SGCZ: variants seen among roughly 807,000 people sequenced by gnomAD.
SGCZ encodes the protein sarcoglycan zeta.
Under a neutral mutation model 41.3 loss-of-function variants are expected in SGCZ, and 40 were observed. The ratio of observed to expected loss-of-function variants is 0.97; its 90% confidence interval spans 0.75 to 1.26. The LOEUF is 1.26. SGCZ is among the 50% of genes most tolerant of loss of function. The pLI is 0.00. For synonymous variants in SGCZ, 206 were observed against 137.5 expected (o/e 1.50, Z -3.49); for missense variants, 552 against 369.8 (o/e 1.49, Z -4.04).
chr8:14,648,039 G>C (rs1397293), intron 1 of SGCZ, among the ~76,000 whole-genome samples: 30,035 of 151,886 alleles, frequency 0.2, 3,657 homozygotes, highest in Non-Finnish European at 0.28. Context: ...CCCTGAACTT[G>C]ACTTTGAAAA....
intron 1 of SGCZ, among the ~76,000 whole-genome samples, chr8:14,885,575 C>T (rs1002592958): frequency 2.6e-5 from 4 of 151,994 alleles, no homozygotes; most frequent in African/African-American, 9.7e-5. Flanking sequence ...CATTATGATC[C>T]CTTTTCACTG....
At chr8:14,730,470 T>A (rs949472610) in intron 1 of SGCZ, among the ~76,000 whole-genome samples, 36 of 152,066 alleles carry the variant, frequency 2.4e-4, no homozygotes, top group African/African-American at 8.5e-4. Context: ...TCCTGAAGTG[T>A]GTGCTTTGAC....
rs188637916 is a variant in SGCZ at position 15,167,571 on chromosome 8, C to T, written c.39+70014G>A. On this transcript the variant is annotated intron_variant, in intron 1 of 7. Transcript: ENST00000382080. ...TTCCATCAAAGCCAAACCAAAAGGC[C>T]TCTGCAGAAATAATTATTCTTTCTG... 4.0e-3 allele frequency among the ~76,000 whole-genome samples: 612 copies of T among 152,214 alleles called. 3 individuals carry two copies. The highest frequency in any genetic ancestry group is 0.011 in the South Asian group (55 of 4,818).
chr8:14,313,924 G>C (rs1377710730), intron 3 of SGCZ, among the ~76,000 whole-genome samples: 7,917 of 136,524 alleles, frequency 0.058, 618 homozygotes, highest in African/African-American at 0.18. Flanking sequence ...GTGTGTGTGT[G>C]TGTGTGTGTG....
intron 1 of SGCZ, among the ~76,000 whole-genome samples, chr8:14,555,659 C>T (rs1804012932): frequency 6.6e-6 from 1 of 152,000 alleles, no homozygotes; most frequent in South Asian, 2.1e-4. Flanking sequence ...CCAAGCTACA[C>T]TTAGACTATG....
At chr8:14,757,039 C>A (rs1451086217) in intron 1 of SGCZ, among the ~76,000 whole-genome samples, 1 of 152,132 alleles carries the variant, frequency 6.6e-6, no homozygotes, top group African/African-American at 2.4e-5. Context: ...ACCTTCCCCA[C>A]CAATATGTCA....
intron 1 of SGCZ, among the ~76,000 whole-genome samples, chr8:14,767,205 G>A (rs1040982441): frequency 6.6e-6 from 1 of 152,110 alleles, no homozygotes; most frequent in Non-Finnish European, 1.5e-5. Flanking sequence ...TATCTCCTAG[G>A]CCTCCAAGGC....
intron 1 of SGCZ, among the ~76,000 whole-genome samples, chr8:14,884,234 A>G (rs980520818): frequency 6.6e-6 from 1 of 152,148 alleles, no homozygotes; most frequent in Non-Finnish European, 1.5e-5. Context: ...GAGAATGTGC[A>G]ATGCATATCC....
chr8:14,217,037 C>A (rs1232433906), intron 4 of SGCZ, among the ~76,000 whole-genome samples: 1 of 152,080 alleles, frequency 6.6e-6, no homozygotes, highest in Non-Finnish European at 1.5e-5. Context: ...CCTGTAATCC[C>A]AGCACTTTGG....
At chr8:14,251,343 G>A (rs1465786154) in intron 3 of SGCZ, among the ~76,000 whole-genome samples, 2 of 152,160 alleles carry the variant, frequency 1.3e-5, no homozygotes, top group Non-Finnish European at 2.9e-5. Context: ...TTCAGAGCAG[G>A]CACCGGCCAA....
chr8:14,846,837 AG>A (rs1012827324), intron 1 of SGCZ, among the ~76,000 whole-genome samples: 4 of 151,938 alleles, frequency 2.6e-5, no homozygotes, highest in African/African-American at 9.7e-5. Flanking sequence ...TGGGAGGCCG[AG>A]TCGGGTGGAT....
intron 2 of SGCZ, among the ~76,000 whole-genome samples, chr8:14,371,353 T>A (rs148472244): frequency 6.6e-6 from 1 of 152,146 alleles, no homozygotes; most frequent in African/African-American, 2.4e-5. Flanking sequence ...TGACAACATT[T>A]TCTGGTATTA....
intron 3 of SGCZ, among the ~76,000 whole-genome samples, chr8:14,287,998 C>T (rs1585322692): frequency 6.6e-6 from 1 of 151,958 alleles, no homozygotes; most frequent in Admixed American, 6.6e-5. Context: ...TATTTTTTTA[C>T]CTACTATTTA....
chr8:14,353,533 G>C (rs145784182), intron 2 of SGCZ, among the ~76,000 whole-genome samples: 1 of 152,176 alleles, frequency 6.6e-6, no homozygotes, highest in East Asian at 1.9e-4. Context: ...AAGCCTGTGT[G>C]AATCATTCTG....
At chr8:14,383,921 A>AT (rs35960880) in intron 2 of SGCZ, among the ~76,000 whole-genome samples, 2,041 of 148,510 alleles carry the variant, frequency 0.014, 13 homozygotes, top group Non-Finnish European at 0.022. Flanking sequence ...TTGTTTTGAG[A>AT]TTTTTTTTTT....
chr8:14,663,491 T>C (rs1483496514), intron 1 of SGCZ, among the ~76,000 whole-genome samples: 1 of 152,148 alleles, frequency 6.6e-6, no homozygotes, highest in Non-Finnish European at 1.5e-5. Context: ...CTGGCTGTGA[T>C]TTTCAGGTGA....
At chr8:14,350,787 G>C (rs903998684) in intron 2 of SGCZ, among the ~76,000 whole-genome samples, 2 of 152,078 alleles carry the variant, frequency 1.3e-5, no homozygotes, top group Non-Finnish European at 2.9e-5. Flanking sequence ...CTCTCTCTCA[G>C]TAACTATTTT....
chr8:15,088,170 A>G (rs1196699670), intron 1 of SGCZ, among the ~76,000 whole-genome samples: 2 of 152,146 alleles, frequency 1.3e-5, no homozygotes, highest in African/African-American at 4.8e-5. Context: ...GTGTTTGATC[A>G]TATTATTGAT....
intron 3 of SGCZ, among the ~76,000 whole-genome samples, chr8:14,245,970 A>G (rs1044841461): frequency 3.9e-5 from 6 of 152,170 alleles, no homozygotes; most frequent in African/African-American, 1.2e-4. Flanking sequence ...AGGATGTGGA[A>G]AAATAGGTAC....
Sources: allele counts gnomAD v4.1 joint callset (sites outside exome capture counted in the v4.1 genomes callset), GRCh38; gene constraint gnomAD v4.1.1; transcripts MANE v1.5; gene names NCBI Gene and HGNC (gene_info 2026-07-23, HGNC 2026-07-21).